The following DOCK4 variants were observed in gnomAD, a reference collection of about 807,000 sequenced individuals.
The protein encoded by DOCK4 is dedicator of cytokinesis protein 4.
Under a neutral mutation model 268.1 loss-of-function variants are expected in DOCK4, and 97 were observed. The ratio of observed to expected loss-of-function variants is 0.36; its 90% CI spans 0.31 to 0.43. The LOEUF is 0.43. Ranked by LOEUF, DOCK4 falls within the 20% of genes least tolerant of loss-of-function variation. DOCK4 has a pLI of 1.00. For missense variants in DOCK4, 2,145 were observed against 2,455.7 expected, an observed-to-expected ratio of 0.87 and a Z score of 2.67; for synonymous variants, 954 against 887.2, an observed-to-expected ratio of 1.08 and a Z score of -1.34.
At chr7:111,898,554 C>T (rs1363421173) in intron 15 of DOCK4, among the ~76,000 whole-genome samples, 3 of 152,214 alleles carry the variant, frequency 2.0e-5, no homozygotes, top group African/African-American at 7.2e-5. Flanking sequence ...TTTTCTTGTG[C>T]TCACTGATGT....
chr7:111,942,742 T>C (rs1035049397), intron 10 of DOCK4, among the ~76,000 whole-genome samples: 5 of 152,162 alleles, frequency 3.3e-5, no homozygotes, highest in African/African-American at 1.2e-4. Flanking sequence ...CTTTTCAACA[T>C]AGTCAATCAG....
intron 27 of DOCK4, among the ~76,000 whole-genome samples, chr7:111,814,892 T>C (rs925762642): frequency 6.6e-6 from 1 of 152,168 alleles, no homozygotes; most frequent in African/African-American, 2.4e-5. Context: ...AACTGAAATT[T>C]GCAAAATAAA....
Position 111,732,235 on chromosome 7 carries a change from A to G in DOCK4, c.5472T>C (p.Ser1824=), listed in dbSNP as rs1173937977. 6.2e-7 allele frequency: 1 copy of G among 1,613,884 alleles called. No homozygotes were observed. Among genetic ancestry groups the G allele is most frequent in the African/African-American group, 1.3e-5 (1 of 74,940 alleles). Residue 1824 remains serine, a synonymous_variant, in exon 52 of 53, where the codon TCT becomes TCC. Transcript: ENST00000428084. ...AAAGAAGGGCCTTTACCTTCAATGGAGATCGCCCGGCAGGCGAGGGGGATA... is the reference window on the plus strand; with the variant it reads ...AAAGAAGGGCCTTTACCTTCAATGGGGATCGCCCGGCAGGCGAGGGGGATA... The part of the protein sequence containing the change: ...TSVSPSPAGR[S]PLKGSVQSFT...
chr7:112,081,554 G>T (rs951723196), intron 1 of DOCK4, among the ~76,000 whole-genome samples: 6 of 152,068 alleles, frequency 3.9e-5, no homozygotes, highest in Non-Finnish European at 8.8e-5. Flanking sequence ...CTTCTAGAAA[G>T]ATCCCAGGAG....
intron 7 of DOCK4, among the ~76,000 whole-genome samples, chr7:111,983,862 G>GCGCGCACA: frequency 1.0e-4 from 14 of 138,640 alleles, no homozygotes; most frequent in African/African-American, 3.9e-4. Flanking sequence ...GCGCGCGCGC[G>GCGCGCACA]CACACACACA....
intron 1 of DOCK4, among the ~76,000 whole-genome samples, chr7:112,008,791 C>T (rs925642914): frequency 1.3e-5 from 2 of 152,140 alleles, no homozygotes; most frequent in Admixed American, 6.5e-5. Flanking sequence ...GTCAGGAGTT[C>T]GAGATCAGCC....
chr7:112,018,143 C>CAAAAAAAAAAAAAAAAAAAAAAAAAAAA lies in DOCK4; in HGVS notation c.38-14040_38-14013dup, dbSNP rs140883588. Among the ~76,000 whole-genome samples the CAAAAAAAAAAAAAAAAAAAAAAAAAAAA allele has an allele frequency of 2.4e-4, 5 of 20,640 alleles. 1 individual carries two copies. In the East Asian group the frequency reaches 0.015, roughly 63 times the overall value. 13.5% of individuals were successfully genotyped at this position (20,640 alleles called of 152,430 possible). ...TGGGCAACACAGCAAGACTCCAGCT[C>CAAAAAAAAAAAAAAAAAAAAAAAAAAAA]AAAAAAAAAAAAAAAAAAAAAAAAA... On this transcript the variant is annotated intron_variant, in intron 1 of 52. Coordinates refer to ENST00000428084, the MANE Select transcript of DOCK4 (RefSeq NM_001363540.2).
At chr7:112,112,171 T>C (rs1468842039) in intron 1 of DOCK4, among the ~76,000 whole-genome samples, 3 of 152,158 alleles carry the variant, frequency 2.0e-5, no homozygotes, top group Non-Finnish European at 2.9e-5. Context: ...GCTTGGGTCA[T>C]GGCGGCAGAT....
intron 26 of DOCK4, among the ~76,000 whole-genome samples, chr7:111,834,025 T>TA (rs1364286511): frequency 6.6e-6 from 1 of 152,226 alleles, no homozygotes; most frequent in African/African-American, 2.4e-5. Flanking sequence ...AAGGATGCAT[T>TA]ACAGTTCTGT....
chr7:111,829,136 C>A (rs545839033), intron 26 of DOCK4, among the ~76,000 whole-genome samples: 1 of 152,194 alleles, frequency 6.6e-6, no homozygotes, highest in South Asian at 2.1e-4. Context: ...TACTTTCTAA[C>A]CTAAATGTAC....
At chr7:111,783,636 A>G (rs1338786121) in intron 34 of DOCK4, among the ~76,000 whole-genome samples, 1 of 152,102 alleles carries the variant, frequency 6.6e-6, no homozygotes, top group Admixed American at 6.6e-5. Flanking sequence ...CTTTGAAAGA[A>G]CTATCAAAAA....
intron 30 of DOCK4, among the ~76,000 whole-genome samples, chr7:111,807,091 T>C (rs1800731299): frequency 6.6e-6 from 1 of 152,186 alleles, no homozygotes; most frequent in Non-Finnish European, 1.5e-5. Context: ...TAACCATAGA[T>C]GGCAATGCTG....
intron 1 of DOCK4, among the ~76,000 whole-genome samples, chr7:112,176,030 C>T (rs377559082): frequency 1.2e-4 from 19 of 152,280 alleles, no homozygotes; most frequent in Non-Finnish European, 2.6e-4. Context: ...GAATTGGATG[C>T]CACCTGAATT....
chr7:111,924,977 T>C (rs1196297908), intron 12 of DOCK4, among the ~76,000 whole-genome samples: 1 of 140,034 alleles, frequency 7.1e-6, no homozygotes, highest in African/African-American at 2.7e-5. Flanking sequence ...TCTAAACTTG[T>C]ACTACAAAAA....
chr7:111,792,275 G>A (rs1799600308), intron 30 of DOCK4, among the ~76,000 whole-genome samples: 1 of 152,228 alleles, frequency 6.6e-6, no homozygotes, highest in Non-Finnish European at 1.5e-5. Flanking sequence ...TTACAAGTTG[G>A]GAGGCTGAGC....
At chr7:111,948,993 C>T (rs1220145871) in intron 8 of DOCK4, among the ~76,000 whole-genome samples, 2 of 151,632 alleles carry the variant, frequency 1.3e-5, no homozygotes, top group African/African-American at 4.8e-5. Flanking sequence ...AAGAACTCAG[C>T]TTTACTTAGT....
Position 112,196,649 on chromosome 7 carries a change from G to T in DOCK4, c.37+9453C>A, listed in dbSNP as rs919148973. Among the ~76,000 whole-genome samples, 3 of 152,154 alleles carry T rather than the reference G, an allele frequency of 2.0e-5. No individual in the cohort carries two copies. The South Asian group carries it at 6.2e-4, about 31-fold the overall frequency. Reference sequence around the variant, plus strand: ...GGTCTCTAAGCTGGTGACAGAGAGTGGGGAAGGGGCAATGGGTCTTCCTGT... The same window carrying T: ...GGTCTCTAAGCTGGTGACAGAGAGTTGGGAAGGGGCAATGGGTCTTCCTGT... On this transcript the variant is annotated intron_variant, in intron 1 of 52. Transcript: ENST00000428084.
At chr7:111,759,224 T>C (rs1216296493) in intron 40 of DOCK4, among the ~76,000 whole-genome samples, 1 of 152,234 alleles carries the variant, frequency 6.6e-6, no homozygotes, top group East Asian at 1.9e-4. Context: ...TGTAAATACC[T>C]ATGCAACCAT....
At position 111,818,500 on chromosome 7, in the gene DOCK4, T is replaced by C. The variant is rs186898799; in HGVS notation, c.2930+3862A>G. Among the ~76,000 whole-genome samples, 357 of 152,298 alleles carry C rather than the reference T, an allele frequency of 2.3e-3. 1 individual carries two copies. Among genetic ancestry groups the C allele is most frequent in the East Asian group, 5.0e-3 (26 of 5,180 alleles). On this transcript the variant is annotated intron_variant, in intron 27 of 52. Coordinates refer to ENST00000428084, the MANE Select transcript of DOCK4 (RefSeq NM_001363540.2). ...AACACCTTCCGTTACTTTTCTTCTCTCCCACCCACACCCAGTCACTTGCAA... is the reference window on the plus strand; with the variant it reads ...AACACCTTCCGTTACTTTTCTTCTCCCCCACCCACACCCAGTCACTTGCAA...
Sources: allele counts gnomAD v4.1 joint callset (sites outside exome capture counted in the v4.1 genomes callset), GRCh38; gene constraint gnomAD v4.1.1; transcripts MANE v1.5; gene names NCBI Gene and HGNC (gene_info 2026-07-23, HGNC 2026-07-21).